NRCAM: variants seen among roughly 807,000 people sequenced by gnomAD.
NRCAM encodes NgCAM-related cell adhesion molecule.
Under a neutral mutation model 156.5 loss-of-function variants are expected in NRCAM, and 83 were observed. The ratio of observed to expected loss-of-function variants is 0.53; its 90% CI spans 0.44 to 0.64. The LOEUF (loss-of-function observed/expected upper bound fraction) is 0.64. NRCAM is among the 30% of genes least tolerant of loss of function. NRCAM has a pLI of 0.00. For missense variants in NRCAM, 1,417 were observed against 1,597.3 expected, an observed-to-expected ratio of 0.89 and a Z score of 1.92; for synonymous variants, 538 against 563.9, an observed-to-expected ratio of 0.95 and a Z score of 0.65.
chr7:108,164,546 C>CCCAG (rs140361278), intron 30 of NRCAM, among the ~76,000 whole-genome samples: 12,883 of 31,916 alleles, frequency 0.4, 1,047 homozygotes, highest in African/African-American at 0.53. Context: ...CACCGCGGAA[C>CCCAG]CGAGAGGAGA....
At chr7:108,174,679 T>C (rs1445522023) in intron 28 of NRCAM, among the ~76,000 whole-genome samples, 2 of 152,260 alleles carry the variant, frequency 1.3e-5, no homozygotes, top group Non-Finnish European at 2.9e-5. Flanking sequence ...TTGTGGATTG[T>C]TGGCTATTAC....
chr7:108,336,523 T>A (rs998924020), intron 2 of NRCAM, among the ~76,000 whole-genome samples: 1 of 152,290 alleles, frequency 6.6e-6, no homozygotes, highest in East Asian at 1.9e-4. Flanking sequence ...AGTTAAAAGG[T>A]TCTCCTGATT....
At chr7:108,219,587 T>C (rs932096425) in intron 11 of NRCAM, among the ~76,000 whole-genome samples, 11 of 151,986 alleles carry the variant, frequency 7.2e-5, no homozygotes. Context: ...TAAACAGAAT[T>C]AAAAACAAAA....
intron 30 of NRCAM, among the ~76,000 whole-genome samples, chr7:108,164,547 C>CCAGCGGGAGGAGAGGGGAGGAGAG (rs145160841): frequency 6.9e-6 from 1 of 145,736 alleles, no homozygotes; most frequent in African/African-American, 2.7e-5. Context: ...ACCGCGGAAC[C>CCAGCGGGAGGAGAGGGGAGGAGAG]GAGAGGAGAG....
intron 2 of NRCAM, among the ~76,000 whole-genome samples, chr7:108,372,329 A>C (rs1411328964): frequency 2.0e-5 from 3 of 150,906 alleles, no homozygotes; most frequent in Non-Finnish European, 4.4e-5. Context: ...ACCAGCAACC[A>C]AAATGAAAAA....
intron 2 of NRCAM, among the ~76,000 whole-genome samples, chr7:108,337,773 C>T (rs2099217273): frequency 6.6e-6 from 1 of 152,056 alleles, no homozygotes; most frequent in Non-Finnish European, 1.5e-5. Flanking sequence ...GGCCTGCCAC[C>T]ATCTTGGAAG....
chr7:108,304,844 T>C (rs189248166), intron 3 of NRCAM, among the ~76,000 whole-genome samples: 35 of 152,302 alleles, frequency 2.3e-4, no homozygotes, highest in African/African-American at 7.5e-4. Flanking sequence ...ACCCTAGATA[T>C]TGGCTCACTT....
At chr7:108,157,666 C>T (rs2046358425) in intron 32 of NRCAM, among the ~76,000 whole-genome samples, 1 of 152,096 alleles carries the variant, frequency 6.6e-6, no homozygotes, top group Admixed American at 6.6e-5. Flanking sequence ...ACCCAAATAT[C>T]AACCTTGATT....
chr7:108,156,909 T>C (rs143224679), intron 32 of NRCAM, among the ~76,000 whole-genome samples: 1,557 of 152,200 alleles, frequency 0.01, 11 homozygotes, highest in Non-Finnish European at 0.017. Flanking sequence ...AATTACAGCC[T>C]CTAAGATAAT....
At chr7:108,405,439 C>T (rs2099804561) in intron 1 of NRCAM, among the ~76,000 whole-genome samples, 1 of 152,164 alleles carries the variant, frequency 6.6e-6, no homozygotes, top group Non-Finnish European at 1.5e-5. Flanking sequence ...TTGCAAACAC[C>T]TCTTTGAACC....
intron 2 of NRCAM, among the ~76,000 whole-genome samples, chr7:108,393,879 G>A (rs561145162): frequency 4.5e-4 from 69 of 152,312 alleles, no homozygotes; most frequent in African/African-American, 1.6e-3. Flanking sequence ...CACGTATGGT[G>A]ATTGCTGCAG....
intron 1 of NRCAM, among the ~76,000 whole-genome samples, chr7:108,415,489 C>G (rs1345702041): frequency 6.6e-6 from 1 of 152,114 alleles, no homozygotes; most frequent in Admixed American, 6.5e-5. Flanking sequence ...AGATCTGATG[C>G]AATGAGAAAT....
In NRCAM at chr7:108,177,868, T is replaced by C. The variant is rs1004224568; in HGVS notation, c.2974+122A>G. ...GATGAATATGCGAATTCCCCTGATCTGATCACTATATGTATCGAAACATCA... is the reference window on the plus strand; with the variant it reads ...GATGAATATGCGAATTCCCCTGATCCGATCACTATATGTATCGAAACATCA... On this transcript the variant is annotated intron_variant, in intron 26 of 32. Transcript: ENST00000379028. The C allele has an allele frequency of 5.2e-5, 41 of 791,848 alleles. No individual in the cohort carries two copies. The South Asian group carries it at 1.0e-3, about 20-fold the overall frequency. 49.1% of individuals were successfully genotyped at this position (791,848 alleles called of 1,614,324 possible).
chr7:108,321,636 G>C (rs550893696), intron 2 of NRCAM, among the ~76,000 whole-genome samples: 7 of 152,270 alleles, frequency 4.6e-5, no homozygotes, highest in African/African-American at 1.4e-4. Flanking sequence ...TAGGTCCTGG[G>C]AAGTAAGACC....
chr7:108,253,286 G>A (rs2096464022), intron 3 of NRCAM, among the ~76,000 whole-genome samples: 1 of 152,236 alleles, frequency 6.6e-6, no homozygotes, highest in Non-Finnish European at 1.5e-5. Flanking sequence ...AATGTGGTAA[G>A]TGCTCCACCA....
intron 1 of NRCAM, among the ~76,000 whole-genome samples, chr7:108,406,634 G>C (rs1451564754): frequency 1.3e-5 from 2 of 152,180 alleles, no homozygotes; most frequent in African/African-American, 4.8e-5. Context: ...CTTCTTACTG[G>C]AAAACAGCTG....
intron 3 of NRCAM, among the ~76,000 whole-genome samples, chr7:108,305,079 G>A (rs1249001554): frequency 6.6e-6 from 1 of 152,090 alleles, no homozygotes; most frequent in Non-Finnish European, 1.5e-5. Context: ...AGAAGACCCA[G>A]GGGAAAATTT....
intron 2 of NRCAM, among the ~76,000 whole-genome samples, chr7:108,341,465 A>C (rs2099276463): frequency 6.6e-6 from 1 of 151,614 alleles, no homozygotes. Context: ...GGGGAACTTT[A>C]CTCTTTCACA....
intron 2 of NRCAM, among the ~76,000 whole-genome samples, chr7:108,366,999 T>C (rs2099595707): frequency 1.3e-5 from 2 of 152,218 alleles, no homozygotes; most frequent in Non-Finnish European, 1.5e-5. Context: ...AAGAAACTAC[T>C]GAAATGATTT....
Sources: allele counts gnomAD v4.1 joint callset (sites outside exome capture counted in the v4.1 genomes callset), GRCh38; gene constraint gnomAD v4.1.1; transcripts MANE v1.5; gene names NCBI Gene and HGNC (gene_info 2026-07-23, HGNC 2026-07-21).